LDLRAD3: variants seen among roughly 807,000 people sequenced by gnomAD.
The protein encoded by LDLRAD3 is low-density lipoprotein receptor class A domain-containing protein 3.
A neutral mutation model predicts 29.4 loss-of-function variants in LDLRAD3; 20 were observed. The observed-to-expected ratio is 0.68, with a 90% CI of 0.48 to 0.99. The LOEUF (loss-of-function observed/expected upper bound fraction) is 0.99. Among genes scored for constraint, LDLRAD3 ranks in the 50% least tolerant of loss-of-function variants. LDLRAD3 has a pLI of 0.00. For synonymous variants in LDLRAD3, 157 were observed against 192.7 expected (o/e 0.81, Z 1.53); for missense variants, 420 against 454.3 (o/e 0.92, Z 0.69).
intron 1 of LDLRAD3, chr11:35,988,943 T>A (rs1851653171): frequency 6.6e-6 from 1 of 152,174 alleles, no homozygotes; most frequent in South Asian, 2.1e-4. Context: ...AGCTATAAAT[T>A]CTTTGCCAAG....
chr11:36,225,606 C>G (rs1461043268), intron 4 of LDLRAD3, among the ~76,000 whole-genome samples: 2 of 152,124 alleles, frequency 1.3e-5, no homozygotes, highest in Non-Finnish European at 2.9e-5. Context: ...GGGCCAGGTT[C>G]TGAAGTCAGA....
At chr11:36,084,980 G>A (rs1213094952) in intron 3 of LDLRAD3, among the ~76,000 whole-genome samples, 1 of 152,186 alleles carries the variant, frequency 6.6e-6, no homozygotes, top group Non-Finnish European at 1.5e-5. Context: ...AACATATTTT[G>A]AAGAGTTCCA....
At chr11:36,054,655 G>A (rs752054512) in intron 2 of LDLRAD3, among the ~76,000 whole-genome samples, 147 of 152,234 alleles carry the variant, frequency 9.7e-4, no homozygotes, top group Non-Finnish European at 1.9e-3. Flanking sequence ...TGCTTAAAAA[G>A]AATGAAGATG....
chr11:36,158,537 T>TTTG (rs1854388272), intron 4 of LDLRAD3, among the ~76,000 whole-genome samples: 1 of 151,020 alleles, frequency 6.6e-6, no homozygotes, highest in Non-Finnish European at 1.5e-5. Context: ...TTTTTTTTTT[T>TTTG]TTTTTTGCCA....
intron 1 of LDLRAD3, among the ~76,000 whole-genome samples, chr11:35,984,798 AT>A (rs1426395984): frequency 6.6e-6 from 1 of 151,022 alleles, no homozygotes; most frequent in Non-Finnish European, 1.5e-5. Context: ...CGCCTGGCTA[AT>A]TTGTATTTTT....
chr11:36,120,001 A>G (rs866320139), intron 4 of LDLRAD3, among the ~76,000 whole-genome samples: 39 of 152,274 alleles, frequency 2.6e-4, no homozygotes, highest in African/African-American at 8.7e-4. Flanking sequence ...TTGAGTTCAT[A>G]TTTATGTATG....
At chr11:36,225,474 G>A (rs192547105) in intron 4 of LDLRAD3, among the ~76,000 whole-genome samples, 11 of 152,260 alleles carry the variant, frequency 7.2e-5, no homozygotes, top group African/African-American at 2.2e-4. Flanking sequence ...GTGGAGAGAA[G>A]GCTATTATGA....
chr11:36,017,669 C>T (rs191137191), intron 1 of LDLRAD3, among the ~76,000 whole-genome samples: 43 of 152,022 alleles, frequency 2.8e-4, no homozygotes, highest in African/African-American at 8.9e-4. Flanking sequence ...GCTGGGATTA[C>T]AGTCGTGCAC....
At position 35,944,070 on chromosome 11, in the gene LDLRAD3, C is replaced by A; in HGVS notation, c.-29C>A. On this transcript the variant is annotated 5_prime_UTR_variant, in exon 1 of 6. Coordinates refer to ENST00000315571, the MANE Select transcript of LDLRAD3 (RefSeq NM_174902.4). This position sits in a 1 kb window ranked among gnomAD's most constrained non-coding sequence, Gnocchi z 4.9. ...GCCGAGGCCGCGGGGGCAGCAACGA[C>A]GCCGGGCAGCGGGAGCGGCGGCCGC... The A allele has an allele frequency of 9.3e-7, 1 of 1,075,510 alleles. No homozygotes were observed. Among genetic ancestry groups the A allele is most frequent in the Non-Finnish European group, 1.1e-6 (1 of 888,578 alleles). 66.6% of individuals were successfully genotyped at this position (1,075,510 alleles called of 1,614,324 possible).
intron 4 of LDLRAD3, among the ~76,000 whole-genome samples, chr11:36,126,864 G>T (rs1197861454): frequency 6.6e-6 from 1 of 152,204 alleles, no homozygotes; most frequent in Non-Finnish European, 1.5e-5. Context: ...TAAGTAATTA[G>T]AACATGCATA....
rs142559725 is a variant in LDLRAD3, at chr11:36,182,609, G to T, written c.455-44476G>T. Reference sequence around the variant, plus strand: ...TGGCTGCTTATTAGAGCATTTGCAGGCCTAGGAGATTTGCTCCTCCTCTTG... The same window carrying T: ...TGGCTGCTTATTAGAGCATTTGCAGTCCTAGGAGATTTGCTCCTCCTCTTG... On this transcript the variant is annotated intron_variant, in intron 4 of 5. Transcript: ENST00000315571. 4.2e-3 allele frequency among the ~76,000 whole-genome samples: 644 copies of T among 152,294 alleles called. 4 individuals carry two copies. The highest frequency in any genetic ancestry group is 0.015 in the African/African-American group (614 of 41,566).
intron 4 of LDLRAD3, among the ~76,000 whole-genome samples, chr11:36,216,513 C>T (rs1855354799): frequency 6.6e-6 from 1 of 152,152 alleles, no homozygotes; most frequent in South Asian, 2.1e-4. Context: ...CATATTTTCC[C>T]TTTTTATCCA....
At chr11:36,085,795 T>G (rs1219332568) in intron 3 of LDLRAD3, among the ~76,000 whole-genome samples, 1 of 151,888 alleles carries the variant, frequency 6.6e-6, no homozygotes, top group Non-Finnish European at 1.5e-5. Context: ...TTTTATTGTA[T>G]TTTTTGTAGA....
intron 2 of LDLRAD3, among the ~76,000 whole-genome samples, chr11:36,059,907 G>A (rs1404238163): frequency 6.6e-6 from 1 of 152,212 alleles, no homozygotes; most frequent in Non-Finnish European, 1.5e-5. Flanking sequence ...TCAATAGACA[G>A]TGATGGGAAT....
At chr11:36,144,649 CCGGCAGCCACACCG>C (rs1854144800) in intron 4 of LDLRAD3, among the ~76,000 whole-genome samples, 1 of 73,658 alleles carries the variant, frequency 1.4e-5, no homozygotes, top group Non-Finnish European at 2.7e-5. Flanking sequence ...GCCCCTCCGC[CCGGCAGCCACACCG>C]TCTGAGAAGT....
chr11:36,163,352 C>G (rs1854470380), intron 4 of LDLRAD3: 1 of 152,258 alleles, frequency 6.6e-6, no homozygotes, highest in South Asian at 2.1e-4. Flanking sequence ...GATTATTCAG[C>G]AGACCCATTC....
At chr11:36,228,652 T>C (rs1855532198) in intron 5 of LDLRAD3, among the ~76,000 whole-genome samples, 1 of 152,186 alleles carries the variant, frequency 6.6e-6, no homozygotes, top group African/African-American at 2.4e-5. Flanking sequence ...GAAAATAAAA[T>C]GTCTTTTCTG....
chr11:36,150,448 C>T (rs2133327026), intron 4 of LDLRAD3, among the ~76,000 whole-genome samples: 1 of 150,576 alleles, frequency 6.6e-6, no homozygotes, highest in South Asian at 2.1e-4. Flanking sequence ...GGATCACTTG[C>T]ACCCAGGAGT....
intron 1 of LDLRAD3, among the ~76,000 whole-genome samples, chr11:36,027,928 G>C (rs184206885): frequency 1.3e-5 from 2 of 152,180 alleles, no homozygotes; most frequent in African/African-American, 4.8e-5. Context: ...ACTTCCTCCT[G>C]CTGCTGCTGA....
Sources: allele counts gnomAD v4.1 joint callset (sites outside exome capture counted in the v4.1 genomes callset), GRCh38; gene constraint gnomAD v4.1.1; non-coding constraint Gnocchi (gnomAD v3.1); transcripts MANE v1.5; gene names NCBI Gene and HGNC (gene_info 2026-07-23, HGNC 2026-07-21).